The following NRXN1 variants were observed in gnomAD, a reference collection of about 807,000 sequenced individuals.
The protein encoded by NRXN1 is neurexin-1.
NRXN1 carries 39 observed loss-of-function variants against 150.9 expected under a neutral mutation model. The ratio of observed to expected loss-of-function variants is 0.26; its 90% CI spans 0.20 to 0.34. The LOEUF (loss-of-function observed/expected upper bound fraction) is 0.34. Among genes scored for constraint, NRXN1 ranks in the 10% least tolerant of loss-of-function variants. The pLI is 1.00. For synonymous variants in NRXN1, 924 were observed against 757.0 expected (o/e 1.22, Z -3.62); for missense variants, 1,815 against 1,949.9 (o/e 0.93, Z 1.30).
chr2:50,951,358 CA>C (rs1691306344), intron 2 of NRXN1, among the ~76,000 whole-genome samples: 1 of 152,146 alleles, frequency 6.6e-6, no homozygotes, highest in Admixed American at 6.6e-5. Flanking sequence ...TCCCATAATG[CA>C]AAGGACAGTA....
intron 17 of NRXN1, among the ~76,000 whole-genome samples, chr2:50,424,295 A>AAGGAGGAGGAGGGGGAGG (rs2084289035): frequency 1.4e-5 from 1 of 71,914 alleles, no homozygotes; most frequent in African/African-American, 6.8e-5. Flanking sequence ...GAGGAAGAAG[A>AAGGAGGAGGAGGGGGAGG]AGGAGGAGGA....
At chr2:50,390,708 G>A (rs971561133) in intron 17 of NRXN1, among the ~76,000 whole-genome samples, 17 of 152,006 alleles carry the variant, frequency 1.1e-4, no homozygotes, top group African/African-American at 4.1e-4. Flanking sequence ...ACAAAAGAAA[G>A]TTTGGCCCCC....
chr2:50,051,758 C>A (rs901801817), intron 21 of NRXN1, among the ~76,000 whole-genome samples: 1 of 152,162 alleles, frequency 6.6e-6, no homozygotes, highest in South Asian at 2.1e-4. Flanking sequence ...AATGTATATT[C>A]TTTGAGGGCA....
chr2:50,544,439 G>A (rs763496139), intron 9 of NRXN1, among the ~76,000 whole-genome samples: 2 of 151,896 alleles, frequency 1.3e-5, no homozygotes, highest in African/African-American at 2.4e-5. Context: ...AAAATTAACT[G>A]TATTTGAAAA....
intron 8 of NRXN1, among the ~76,000 whole-genome samples, chr2:50,564,567 A>T (rs1384878851): frequency 1.3e-5 from 2 of 152,200 alleles, no homozygotes; most frequent in African/African-American, 4.8e-5. Flanking sequence ...ACAGAATGAG[A>T]CAGTCTGTAT....
chr2:51,019,763 A>G (rs1464773469), intron 2 of NRXN1, among the ~76,000 whole-genome samples: 2 of 152,088 alleles, frequency 1.3e-5, no homozygotes, highest in Admixed American at 6.6e-5. Flanking sequence ...AGTGTAAAAT[A>G]AGAACCTATG....
At chr2:50,378,645 C>A (rs573427841) in intron 17 of NRXN1, among the ~76,000 whole-genome samples, 8 of 152,016 alleles carry the variant, frequency 5.3e-5, no homozygotes, top group Non-Finnish European at 1.2e-4. Flanking sequence ...TTTTTGTAAT[C>A]ATTTAGGAGT....
chr2:50,298,114 A>C (rs1051451491), intron 17 of NRXN1, among the ~76,000 whole-genome samples: 11 of 152,160 alleles, frequency 7.2e-5, no homozygotes, highest in Non-Finnish European at 1.0e-4. Context: ...AAATGACAGC[A>C]AATTCAATGA....
intron 17 of NRXN1, among the ~76,000 whole-genome samples, chr2:50,330,880 G>A (rs2076794779): frequency 1.3e-5 from 2 of 152,110 alleles, no homozygotes; most frequent in African/African-American, 2.4e-5. Context: ...GAAATCTAGA[G>A]CTGGACATTT....
At chr2:50,092,263 T>G (rs1214348664) in intron 18 of NRXN1, among the ~76,000 whole-genome samples, 1 of 152,210 alleles carries the variant, frequency 6.6e-6, no homozygotes, top group Admixed American at 6.5e-5. Flanking sequence ...ACTATAAAGT[T>G]GTTGCTGTTA....
chr2:50,961,400 G>A (rs1441533287), intron 2 of NRXN1, among the ~76,000 whole-genome samples: 2 of 151,596 alleles, frequency 1.3e-5, no homozygotes, highest in Non-Finnish European at 1.5e-5. Context: ...AAAAAAAAGG[G>A]TTATATATGA....
chr2:50,091,474 A>C lies in NRXN1; in HGVS notation c.3567T>G (p.Val1189=), dbSNP rs776196959. The change falls in exon 19 of 23, where the codon GTT becomes GTG. Residue 1189 remains valine, a synonymous_variant. Transcript: ENST00000401669. Reference sequence around the variant, plus strand: ...TGTCATCTGTCCCAACATTAAACTTAACTCCAATTTTTCCCTGGTGCTGTA... The same window carrying C: ...TGTCATCTGTCCCAACATTAAACTTCACTCCAATTTTTCCCTGGTGCTGTA... ...ELHIHQGKIG[V]KFNVGTDDIA... is the part of the protein sequence containing the mutation. 27 of 1,614,178 alleles carry C rather than the reference A, an allele frequency of 1.7e-5. No homozygotes were observed. Among genetic ancestry groups the C allele is most frequent in the Admixed American group, 3.3e-5 (2 of 59,994 alleles).
intron 8 of NRXN1, among the ~76,000 whole-genome samples, chr2:50,558,259 G>C (rs1464012705): frequency 6.6e-6 from 1 of 152,194 alleles, no homozygotes; most frequent in Non-Finnish European, 1.5e-5. Context: ...TGGAGGCACA[G>C]AGTGACTGCA....
chr2:50,296,596 G>A (rs1390345258), intron 17 of NRXN1, among the ~76,000 whole-genome samples: 1 of 149,998 alleles, frequency 6.7e-6, no homozygotes, highest in East Asian at 2.0e-4. Context: ...AGCTTCTTGA[G>A]TAGTTGGAAC....
In NRXN1 at chr2:50,193,355, G is replaced by C. The variant is rs182472055; in HGVS notation, c.3546+43434C>G. Among the ~76,000 whole-genome samples the C allele has an allele frequency of 4.0e-3, 604 of 152,218 alleles. 5 individuals carry two copies. Among genetic ancestry groups the C allele is most frequent in the African/African-American group, 0.014 (568 of 41,536 alleles). On this transcript the variant is annotated intron_variant, in intron 18 of 22. Transcript: ENST00000401669. ...TAGAGCCTACGAGTGTTCTGGTATT[G>C]TCCCACTCACATCTTATGATTTCTT... is the stretch of plus-strand genomic sequence containing the variant.
chr2:50,997,105 G>C (rs1029506330), intron 2 of NRXN1, among the ~76,000 whole-genome samples: 2 of 151,976 alleles, frequency 1.3e-5, no homozygotes, highest in African/African-American at 2.4e-5. Flanking sequence ...TCATGCCTGT[G>C]ATCCAAGCAC....
chr2:50,554,028 T>C (rs768418113), intron 8 of NRXN1, among the ~76,000 whole-genome samples: 1 of 152,128 alleles, frequency 6.6e-6, no homozygotes, highest in Non-Finnish European at 1.5e-5. Flanking sequence ...CCATACTTAC[T>C]TGAGGGTGAA....
At chr2:51,014,079 TGATGG>T (rs1321997141) in intron 2 of NRXN1, among the ~76,000 whole-genome samples, 5 of 151,746 alleles carry the variant, frequency 3.3e-5, no homozygotes, top group Admixed American at 2.6e-4. Flanking sequence ...TTCCAAGGCA[TGATGG>T]GAAATTAGCA....
intron 2 of NRXN1, among the ~76,000 whole-genome samples, chr2:50,987,379 A>G (rs888324014): frequency 1.3e-5 from 2 of 151,954 alleles, no homozygotes; most frequent in Non-Finnish European, 2.9e-5. Context: ...CTGCTATTAC[A>G]TAGAGTCAGG....
Sources: gnomAD v4.1 joint callset for allele counts (sites outside exome capture counted in the v4.1 genomes callset) on GRCh38, gnomAD v4.1.1 for gene constraint, MANE v1.5 for transcripts, NCBI Gene and HGNC (gene_info 2026-07-23, HGNC 2026-07-21) for gene names.